POLQ: variants seen among roughly 807,000 people sequenced by gnomAD.
POLQ encodes epididymis secretory sperm binding protein.
A neutral mutation model predicts 259.2 loss-of-function variants in POLQ; 233 were observed. The observed-to-expected ratio is 0.90, with a 90% CI of 0.81 to 1.00. POLQ has a LOEUF of 1.00. POLQ is among the 50% of genes least tolerant of loss of function. The probability of loss-of-function intolerance (pLI) is 0.00; values close to 1 mark genes in which losing one functional copy is unlikely to be tolerated. For synonymous variants in POLQ, 1,025 were observed against 1,048.8 expected, an observed-to-expected ratio of 0.98 and a Z score of 0.44; for missense variants, 2,871 against 3,051.6, an observed-to-expected ratio of 0.94 and a Z score of 1.39.
At position 121,432,115 on chromosome 3, in the gene POLQ, C is replaced by A. The variant is rs970117641; in HGVS notation, c.*189G>T. ...TATACTTGGTATTCTACTTCCCCCA[C>A]GCCCCCAGAAGTTTTTGATGCTATA... is the stretch of plus-strand genomic sequence containing the variant. On this transcript the variant is annotated 3_prime_UTR_variant, in exon 30 of 30. Coordinates refer to ENST00000264233, the MANE Select transcript of POLQ (RefSeq NM_199420.4). 1.1e-5 allele frequency: 5 copies of A among 466,326 alleles called. No individual in the cohort carries two copies. The highest frequency in any genetic ancestry group is 8.1e-5 in the African/African-American group (4 of 49,264). The allele number at this position is 466,326 out of a possible 1,614,324, so 28.9% of individuals were successfully genotyped here. A position where few individuals can be genotyped will look rare whatever the true frequency, so the allele number is the denominator to read the frequency against.
rs1191335104 is a variant in POLQ at position 121,489,262 on chromosome 3, G to T, written c.3669C>A (p.Val1223=). The T allele has an allele frequency of 1.9e-6, 3 of 1,613,174 alleles. No individual in the cohort carries two copies. Among genetic ancestry groups the T allele is most frequent in the Non-Finnish European group, 2.5e-6 (3 of 1,179,574 alleles). The change falls in exon 16 of 30, where the codon GTC becomes GTA. Residue 1223 remains valine (V), a synonymous_variant. Coordinates refer to ENST00000264233, the MANE Select transcript of POLQ (RefSeq NM_199420.4). ...IIERQMPCEA[V]SSYINRDSNV... ...TTGAGTCTCTATTTATGTAACTACT[G>T]ACTGCTTCACAGGGCATTTGTCTCT...
At chr3:121,495,006 T>C in intron 14 of POLQ, 1 of 618,096 alleles carries the variant, frequency 1.6e-6, no homozygotes, top group Admixed American at 2.9e-5. Flanking sequence ...GCGCAGTGGC[T>C]CACGCCTGTA....
At chr3:121,514,761 G>A (rs530126300) in intron 9 of POLQ, among the ~76,000 whole-genome samples, 3 of 152,222 alleles carry the variant, frequency 2.0e-5, no homozygotes, top group Admixed American at 2.0e-4. Flanking sequence ...CAGTGGTGGT[G>A]CCCAATCAGA....
At position 121,496,874 on chromosome 3, in the gene POLQ, T is replaced by G; in HGVS notation, c.2212A>C (p.Asn738His). The G allele has an allele frequency of 6.2e-7, 1 of 1,613,640 alleles. No individual in the cohort carries two copies. The highest frequency in any genetic ancestry group is 8.5e-7 in the Non-Finnish European group (1 of 1,179,758). The part of the protein sequence containing the change: ...LISEVPLREI[N>H]QKYGCNRGQI... ...CCACGATTGCATCCATATTTCTGAT[T>G]TATTTCCCTTAAGGGAACTTCACTG... The change falls in exon 14 of 30, where the codon AAT becomes CAT. Residue 738 changes from asparagine to histidine, a missense_variant. Coordinates refer to ENST00000264233, the MANE Select transcript of POLQ (RefSeq NM_199420.4).
At chr3:121,469,657 C>T (rs1441216492) in intron 22 of POLQ, among the ~76,000 whole-genome samples, 2 of 152,062 alleles carry the variant, frequency 1.3e-5, no homozygotes, top group Non-Finnish European at 2.9e-5. Context: ...TTTTCTATAA[C>T]ACTTAATATT....
rs1035745103 is a variant in POLQ, at chr3:121,432,489, GT to G, written c.7660-73del. 4 of 1,519,970 alleles carry G rather than the reference GT, an allele frequency of 2.6e-6. No homozygotes were observed. In the African/African-American group the frequency reaches 5.7e-5, roughly 22 times the overall value. 94.2% of individuals were successfully genotyped at this position (1,519,970 alleles called of 1,614,324 possible). A position where few individuals can be genotyped will look rare whatever the true frequency, so the allele number is the denominator to read the frequency against. ...GTTTCCCAAACCATCCCCTGAGAAA[GT>G]TATAAACCAGACTGGAGCTCTTCAC... On this transcript the variant is annotated intron_variant, in intron 29 of 29. Coordinates refer to ENST00000264233, the MANE Select transcript of POLQ (RefSeq NM_199420.4).
chr3:121,490,493 C>T (rs550786556), intron 15 of POLQ, 85 bp from the exon 16 acceptor site: 5 of 1,072,998 alleles, frequency 4.7e-6, no homozygotes, highest in South Asian at 3.0e-5. Context: ...TGAGCTGTTA[C>T]CAGGAACTGA....
At chr3:121,432,733 T>C (rs897087064) in intron 29 of POLQ, among the ~76,000 whole-genome samples, 185 bp downstream of exon 29, 3 of 152,178 alleles carry the variant, frequency 2.0e-5, no homozygotes, top group Non-Finnish European at 2.9e-5. Flanking sequence ...TCTTCACTTA[T>C]TAAGAACTAG....
intron 7 of POLQ, among the ~76,000 whole-genome samples, chr3:121,525,776 G>A (rs1419977045): frequency 1.3e-5 from 2 of 151,978 alleles, no homozygotes; most frequent in Non-Finnish European, 2.9e-5. Flanking sequence ...TCATCATCTG[G>A]CACTTGTTTG....
At chr3:121,537,927 A>T (rs574047602) in intron 4 of POLQ, among the ~76,000 whole-genome samples, 1 of 152,304 alleles carries the variant, frequency 6.6e-6, no homozygotes, top group South Asian at 2.1e-4. Context: ...TATAATGGGC[A>T]ATTCTTTTCC....
chr3:121,496,735 G>GA (rs55946319), intron 14 of POLQ, 73 bp downstream of exon 14: 720 of 1,435,110 alleles, frequency 5.0e-4, no homozygotes, highest in South Asian at 5.6e-4. Context: ...AATGGAATTT[G>GA]AAAAAAAAAG....
intron 27 of POLQ, among the ~76,000 whole-genome samples, chr3:121,437,883 T>G (rs1447534432): frequency 6.6e-6 from 1 of 152,148 alleles, no homozygotes; most frequent in African/African-American, 2.4e-5. Context: ...TGATAGAAGC[T>G]AGATACAAAA....
At chr3:121,533,285 G>T in intron 5 of POLQ, 76 bp from the exon 6 acceptor site, 1 of 978,288 alleles carries the variant, frequency 1.0e-6, no homozygotes, top group Non-Finnish European at 1.5e-6. Context: ...CAATATTCTT[G>T]GTTATGCCCT....
chr3:121,522,022 T>A lies in POLQ; in HGVS notation c.1236A>T (p.Gly412=). ...AAATACCTGCATGATGAAATGCTAC[T>A]CCCCATGGTACAGTTTTCTGTAATA... ...DSVLQKTVPW[G]VAFHHAGLTF... Residue 412 remains glycine (G), a synonymous_variant, in exon 8 of 30, where the codon GGA becomes GGT. Transcript: ENST00000264233. 6.3e-7 allele frequency: 1 copy of A among 1,575,630 alleles called. No homozygotes were observed. The highest frequency in any genetic ancestry group is 8.6e-7 in the Non-Finnish European group (1 of 1,165,876).
intron 9 of POLQ, among the ~76,000 whole-genome samples, chr3:121,512,552 C>T (rs2048263166): frequency 6.6e-6 from 1 of 152,136 alleles, no homozygotes; most frequent in Admixed American, 6.5e-5. Flanking sequence ...AATTTACTGC[C>T]CATTGTTAAA....
intron 8 of POLQ, among the ~76,000 whole-genome samples, chr3:121,520,791 C>G (rs2048331230): frequency 1.3e-5 from 2 of 152,182 alleles, no homozygotes; most frequent in African/African-American, 4.8e-5. Flanking sequence ...AACCACTGTT[C>G]TAAACAATGA....
At chr3:121,508,387 A>G (rs1223504179) in intron 12 of POLQ, among the ~76,000 whole-genome samples, 1 of 152,210 alleles carries the variant, frequency 6.6e-6, no homozygotes, top group Non-Finnish European at 1.5e-5. Context: ...AACATTCATC[A>G]AAGACTATCA....
At position 121,432,325 on chromosome 3, in the gene POLQ, C is replaced by T. The variant is rs1218109173; in HGVS notation, c.7752G>A (p.Glu2584=). ...ACAGTTACACATCAAAGTCCTTTAG[C>T]TCTCCCCAGCTGGCGCCTATTTTCA... The part of the protein sequence containing the change: ...VKVKIGASWG[E]LKDFDV Residue 2584 remains glutamate, a synonymous_variant, in exon 30 of 30, where the codon GAG becomes GAA. Transcript: ENST00000264233. 1 of 1,605,818 alleles carries T rather than the reference C, an allele frequency of 6.2e-7. No homozygotes were observed.
At chr3:121,441,592 T>C (rs2047592931) in intron 26 of POLQ, among the ~76,000 whole-genome samples, 1 of 152,250 alleles carries the variant, frequency 6.6e-6, no homozygotes, top group South Asian at 2.1e-4. Flanking sequence ...TGATCTATAC[T>C]ACTCTGTTGT....
Sources: allele counts gnomAD v4.1 joint callset (sites outside exome capture counted in the v4.1 genomes callset), GRCh38; gene constraint gnomAD v4.1.1; transcripts MANE v1.5; gene names NCBI Gene and HGNC (gene_info 2026-07-23, HGNC 2026-07-21).